The following PLEKHA7 variants were observed in gnomAD, a reference collection of about 807,000 sequenced individuals.
The protein encoded by PLEKHA7 is pleckstrin homology domain-containing family A member 7.
In PLEKHA7, 104 loss-of-function variants were observed where a neutral mutation model predicts 170.0. The observed-to-expected ratio is 0.61, with a 90% CI of 0.52 to 0.72. PLEKHA7 has a LOEUF of 0.72. PLEKHA7 is among the 30% of genes least tolerant of loss of function. The pLI, the probability that PLEKHA7 is intolerant of heterozygous loss-of-function variation, is 0.00. For missense variants in PLEKHA7, 1,615 were observed against 1,671.7 expected (o/e 0.97, Z 0.59); for synonymous variants, 648 against 660.8 (o/e 0.98, Z 0.30).
chr11:16,978,346 G>C (rs1863198881), intron 3 of PLEKHA7, among the ~76,000 whole-genome samples: 1 of 152,112 alleles, frequency 6.6e-6, no homozygotes, highest in Non-Finnish European at 1.5e-5. Flanking sequence ...ACAAAAGCAA[G>C]GCATGGTCCT....
chr11:16,968,156 T>G (rs1252588117), intron 3 of PLEKHA7, among the ~76,000 whole-genome samples: 2 of 152,094 alleles, frequency 1.3e-5, no homozygotes, highest in Non-Finnish European at 2.9e-5. Flanking sequence ...CAAAGGACAG[T>G]TGCCAAGATC....
intron 3 of PLEKHA7, among the ~76,000 whole-genome samples, chr11:16,948,670 A>C (rs11822440): frequency 6.7e-5 from 3 of 44,666 alleles, no homozygotes; most frequent in African/African-American, 1.6e-4. Flanking sequence ...ACACACACAC[A>C]CACAGACACC....
At chr11:16,973,931 C>T (rs916504215) in intron 3 of PLEKHA7, among the ~76,000 whole-genome samples, 3 of 152,230 alleles carry the variant, frequency 2.0e-5, no homozygotes, top group African/African-American at 7.2e-5. Flanking sequence ...CCAGGACATT[C>T]CTGCCATTGT....
chr11:16,981,025 C>A (rs1226907663), intron 3 of PLEKHA7, among the ~76,000 whole-genome samples: 1 of 152,118 alleles, frequency 6.6e-6, no homozygotes, highest in Non-Finnish European at 1.5e-5. Flanking sequence ...AAACACAAGT[C>A]CCTCCTCTTT....
At chr11:17,011,228 T>G (rs1865306410) in intron 3 of PLEKHA7, among the ~76,000 whole-genome samples, 1 of 152,172 alleles carries the variant, frequency 6.6e-6, no homozygotes, top group Admixed American at 6.5e-5. Context: ...AAATGAATGA[T>G]GGGCCCTGCC....
intron 20 of PLEKHA7, 35 bp from the exon 21 acceptor site, chr11:16,790,950 G>A (rs763735719): frequency 1.1e-5 from 17 of 1,613,264 alleles, no homozygotes; most frequent in Non-Finnish European, 1.4e-5. Context: ...TGACCTGCCA[G>A]TGTCACACCC....
intron 3 of PLEKHA7, among the ~76,000 whole-genome samples, chr11:16,946,670 G>C (rs971060006): frequency 6.6e-6 from 1 of 152,068 alleles, no homozygotes; most frequent in Non-Finnish European, 1.5e-5. Flanking sequence ...GAAGGCTCTA[G>C]GTTTTGAAGT....
At position 16,817,308 on chromosome 11, in the gene PLEKHA7, T is replaced by C. The variant is rs1363137429; in HGVS notation, c.1358A>G (p.Gln453Arg). ...KGDSRSLPLD[Q>R]TLPRQGPGQS... is the part of the protein sequence containing the mutation. ...GCCAGGACCCTGGCGAGGAAGCGTC[T>C]GGTCCAAGGGAAGACTGAGGAGAAA... Residue 453 changes from glutamine to arginine, a missense_variant, in exon 11 of 27, where the codon CAG becomes CGG. By Grantham distance (43) the Gln-to-Arg change is conservative. Transcript: ENST00000531066. The surrounding 1 kb of genome is among the most constrained non-coding windows in gnomAD (Gnocchi z 4.4). 5 of 1,609,884 alleles carry C rather than the reference T, an allele frequency of 3.1e-6. No individual in the cohort carries two copies. Among genetic ancestry groups the C allele is most frequent in the Non-Finnish European group, 4.2e-6 (5 of 1,179,498 alleles).
intron 4 of PLEKHA7, among the ~76,000 whole-genome samples, chr11:16,869,827 G>A (rs1854684917): frequency 6.6e-6 from 1 of 151,708 alleles, no homozygotes; most frequent in Non-Finnish European, 1.5e-5. Context: ...GGGAAATGCT[G>A]TAAAAATATA....
chr11:16,971,107 A>G (rs12272396), intron 3 of PLEKHA7, among the ~76,000 whole-genome samples: 67,262 of 152,092 alleles, frequency 0.44, 16,533 homozygotes, highest in African/African-American at 0.64. Context: ...TTTTTAATAG[A>G]CAGAAACAGA....
chr11:16,970,888 T>A (rs1350957180), intron 3 of PLEKHA7, among the ~76,000 whole-genome samples: 1 of 152,210 alleles, frequency 6.6e-6, no homozygotes, highest in Non-Finnish European at 1.5e-5. Flanking sequence ...TTATAAATAT[T>A]TTTTCCTTCT....
chr11:16,816,886 C>T lies in PLEKHA7; in HGVS notation c.1780G>A (p.Val594Ile). Reference protein sequence around the residue: ...PRRPHTPAERVTVKPPDQRRS... With the variant: ...PRRPHTPAERITVKPPDQRRS... ...CTCTGGTCCGGTGGCTTCACTGTGA[C>T]TCGCTCTGCTGGTGTGTGTGGCCGC... Residue 594 changes from valine (V) to isoleucine (I), a missense_variant, in exon 11 of 27, where the codon GTC becomes ATC. Physicochemically the swap from Val to Ile is conservative, Grantham distance 29 (BLOSUM62 3). Coordinates refer to ENST00000531066, the MANE Select transcript of PLEKHA7 (RefSeq NM_001329630.2). 1.9e-6 allele frequency: 3 copies of T among 1,614,160 alleles called. No homozygotes were observed. Among genetic ancestry groups the T allele is most frequent in the Non-Finnish European group, 2.5e-6 (3 of 1,180,038 alleles).
chr11:16,824,437 C>T (rs1850475845), intron 10 of PLEKHA7, among the ~76,000 whole-genome samples: 1 of 152,032 alleles, frequency 6.6e-6, no homozygotes, highest in Non-Finnish European at 1.5e-5. Context: ...TGATAAATGC[C>T]CGAGGTGATG....
chr11:16,913,193 G>A (rs1319568190), intron 3 of PLEKHA7, among the ~76,000 whole-genome samples: 1 of 152,100 alleles, frequency 6.6e-6, no homozygotes, highest in Non-Finnish European at 1.5e-5. Flanking sequence ...TTTACCGCTT[G>A]GCCAATGCAA....
intron 13 of PLEKHA7, among the ~76,000 whole-genome samples, chr11:16,804,175 CAAGAT>C (rs1435933207): frequency 6.6e-6 from 1 of 152,130 alleles, no homozygotes; most frequent in Non-Finnish European, 1.5e-5. Context: ...CTCCCATGGC[CAAGAT>C]AAGGCCAGGG....
rs73427276 is a variant in PLEKHA7, at chr11:16,975,124, C to G, written c.221+38865G>C. Reference sequence around the variant, plus strand: ...CATGCATACATTCATGTGTGCCCCACCACAATCAGGACACAGGACAGTTCC... The same window carrying G: ...CATGCATACATTCATGTGTGCCCCAGCACAATCAGGACACAGGACAGTTCC... On this transcript the variant is annotated intron_variant, in intron 3 of 26. Coordinates refer to ENST00000531066, the MANE Select transcript of PLEKHA7 (RefSeq NM_001329630.2). 6.5e-6 allele frequency: 3 copies of G among 464,854 alleles called. 1 individual carries two copies. The highest frequency in any genetic ancestry group is 9.8e-6 in the Non-Finnish European group (3 of 305,244). 28.8% of individuals were successfully genotyped at this position (464,854 alleles called of 1,614,324 possible).
chr11:16,865,593 G>GGGCACCTGCTACTTGGGA (rs11268016), intron 4 of PLEKHA7, among the ~76,000 whole-genome samples: 1 of 151,350 alleles, frequency 6.6e-6, no homozygotes, highest in Non-Finnish European at 1.5e-5. Flanking sequence ...GTGTGATGGT[G>GGGCACCTGCTACTTGGGA]GGCTGAGGCA....
intron 3 of PLEKHA7, among the ~76,000 whole-genome samples, chr11:16,872,782 C>T (rs1590412033): frequency 1.3e-5 from 2 of 150,890 alleles, no homozygotes; most frequent in South Asian, 4.2e-4. Flanking sequence ...CCTCCCAAAG[C>T]GTTAGGATTA....
At chr11:16,793,284 T>C (rs1847984051) in intron 19 of PLEKHA7, among the ~76,000 whole-genome samples, 1 of 152,234 alleles carries the variant, frequency 6.6e-6, no homozygotes, top group South Asian at 2.1e-4. Context: ...CCCCAGACAT[T>C]CCTGCTGTTT....
Sources: gnomAD v4.1 joint callset for allele counts (sites outside exome capture counted in the v4.1 genomes callset) on GRCh38, gnomAD v4.1.1 for gene constraint, Gnocchi (gnomAD v3.1) non-coding constraint, MANE v1.5 for transcripts, NCBI Gene and HGNC (gene_info 2026-07-23, HGNC 2026-07-21) for gene names.